The following CDS1 variants were observed in gnomAD, a reference collection of about 807,000 sequenced individuals.
The protein encoded by CDS1 is phosphatidate cytidylyltransferase 1.
A neutral mutation model predicts 62.1 loss-of-function variants in CDS1; 41 were observed. The observed-to-expected ratio is 0.66, with a 90% CI of 0.51 to 0.86. CDS1 has a LOEUF of 0.86. Ranked by LOEUF, CDS1 falls within the 40% of genes least tolerant of loss-of-function variation. CDS1 has a pLI of 0.00. For synonymous variants in CDS1, 185 were observed against 192.6 expected (o/e 0.96, Z 0.32); for missense variants, 470 against 550.1 (o/e 0.85, Z 1.46).
chr4:84,614,947 G>A (rs1723440322), intron 3 of CDS1, among the ~76,000 whole-genome samples: 1 of 152,176 alleles, frequency 6.6e-6, no homozygotes, highest in Admixed American at 6.5e-5. Context: ...TAGTCTTAGA[G>A]TCATGGCACA....
intron 3 of CDS1, among the ~76,000 whole-genome samples, chr4:84,610,449 C>T (rs1364154664): frequency 1.3e-5 from 2 of 152,172 alleles, no homozygotes; most frequent in Admixed American, 6.5e-5. Context: ...GTGGGAAGCT[C>T]AGTAAGTCAG....
intron 1 of CDS1, among the ~76,000 whole-genome samples, chr4:84,587,711 G>A (rs1578012238): frequency 6.6e-6 from 1 of 152,110 alleles, no homozygotes; most frequent in Admixed American, 6.5e-5. Context: ...TAGATTAATC[G>A]GAGAAATGGC....
chr4:84,585,654 A>G (rs1359007069), intron 1 of CDS1, among the ~76,000 whole-genome samples: 1 of 152,256 alleles, frequency 6.6e-6, no homozygotes, highest in Admixed American at 6.5e-5. Context: ...ATACACTCCC[A>G]TGCATTGCCA....
intron 5 of CDS1, among the ~76,000 whole-genome samples, chr4:84,629,296 C>T (rs1723949104): frequency 6.7e-6 from 1 of 150,320 alleles, no homozygotes. Context: ...CACAGTTGGC[C>T]CTCCTATATC....
At chr4:84,611,900 C>T (rs1488161224) in intron 3 of CDS1, among the ~76,000 whole-genome samples, 2 of 152,080 alleles carry the variant, frequency 1.3e-5, no homozygotes, top group African/African-American at 4.8e-5. Context: ...CTAAAATGAT[C>T]ACCATTGGCC....
intron 5 of CDS1, among the ~76,000 whole-genome samples, chr4:84,625,709 G>A (rs546374651): frequency 6.6e-6 from 1 of 151,952 alleles, no homozygotes; most frequent in Admixed American, 6.6e-5. Flanking sequence ...GGAAAACATT[G>A]GAGGATTTTA....
intron 5 of CDS1, among the ~76,000 whole-genome samples, chr4:84,624,100 T>C (rs998367938): frequency 1.5e-4 from 22 of 151,316 alleles, no homozygotes; most frequent in African/African-American, 5.3e-4. Context: ...TGGAACCCCG[T>C]CTCTACTAAA....
chr4:84,635,651 CT>C (rs1302395838), intron 8 of CDS1, among the ~76,000 whole-genome samples: 178 of 119,156 alleles, frequency 1.5e-3, no homozygotes, highest in African/African-American at 5.6e-3. Context: ...TCCTTCCTTC[CT>C]TCCTTCCTTC....
At chr4:84,616,258 C>T (rs1723490690) in intron 3 of CDS1, among the ~76,000 whole-genome samples, 1 of 152,168 alleles carries the variant, frequency 6.6e-6, no homozygotes, top group South Asian at 2.1e-4. Flanking sequence ...CTTTATAACA[C>T]ATTTATGACT....
rs189685852 is a variant in CDS1 at position 84,609,134 on chromosome 4, A to C, written c.246-295A>C. Among the ~76,000 whole-genome samples, 483 of 147,422 alleles carry C rather than the reference A, an allele frequency of 3.3e-3. 3 individuals are homozygous for C. Among genetic ancestry groups the C allele is most frequent in the African/African-American group, 4.9e-3 (191 of 39,174 alleles). On this transcript the variant is annotated intron_variant, in intron 2 of 12. Transcript: ENST00000295887. Reference sequence around the variant, plus strand: ...GTGGAGCTTTCAGTGAGCCGAGATCACGCCACTGCACTCCAGCCTGGGTGC... The same window carrying C: ...GTGGAGCTTTCAGTGAGCCGAGATCCCGCCACTGCACTCCAGCCTGGGTGC...
intron 5 of CDS1, among the ~76,000 whole-genome samples, chr4:84,624,924 G>A (rs1489957611): frequency 4.0e-5 from 6 of 151,822 alleles, no homozygotes; most frequent in Non-Finnish European, 7.4e-5. Context: ...GCAGTGGCGC[G>A]ATCTCGGCTC....
intron 1 of CDS1, among the ~76,000 whole-genome samples, chr4:84,590,542 C>T (rs1028849646): frequency 3.3e-5 from 5 of 152,154 alleles, no homozygotes; most frequent in African/African-American, 1.2e-4. Context: ...CTACATCAAG[C>T]TTTGGATGTG....
intron 1 of CDS1, among the ~76,000 whole-genome samples, chr4:84,599,405 C>T (rs77837605): frequency 0.21 from 3,547 of 17,222 alleles, 133 homozygotes; most frequent in Non-Finnish European, 0.35. Flanking sequence ...CACACACACA[C>T]ATATATATAT....
intron 3 of CDS1, among the ~76,000 whole-genome samples, chr4:84,613,120 G>T (rs1439386143): frequency 1.3e-5 from 2 of 150,246 alleles, no homozygotes; most frequent in East Asian, 3.9e-4. Context: ...TATGATATTT[G>T]TGTTAAGAGA....
intron 12 of CDS1, among the ~76,000 whole-genome samples, chr4:84,646,251 A>C (rs571695236): frequency 4.6e-5 from 7 of 152,270 alleles, no homozygotes; most frequent in African/African-American, 1.7e-4. Flanking sequence ...CGAGTTTATC[A>C]ATTTCATTAA....
intron 5 of CDS1, among the ~76,000 whole-genome samples, chr4:84,624,924 G>C (rs1489957611): frequency 6.6e-6 from 1 of 151,822 alleles, no homozygotes; most frequent in African/African-American, 2.4e-5. Flanking sequence ...GCAGTGGCGC[G>C]ATCTCGGCTC....
Position 84,619,444 on chromosome 4 carries a change from A to T in CDS1, c.491A>T (p.Asp164Val). ...NYFFYGETVA[D>V]YFATFVQREE... The stretch of plus-strand genomic sequence containing the variant: ...TTTTTCTATGGAGAGACTGTAGCTG[A>T]TTATTTTGCTACATTTGTTCAAAGA... Residue 164 changes from aspartate (D) to valine (V), a missense_variant, in exon 5 of 13, where the codon GAT (aspartate) becomes GTT (valine). Physicochemically the swap from Asp to Val is radical, Grantham distance 152. Coordinates refer to ENST00000295887, the MANE Select transcript of CDS1 (RefSeq NM_001263.4). The T allele has an allele frequency of 6.3e-7, 1 of 1,586,366 alleles. No homozygotes were observed. Among genetic ancestry groups the T allele is most frequent in the Non-Finnish European group, 8.6e-7 (1 of 1,156,798 alleles).
rs181711292 is a variant in CDS1, at chr4:84,608,469, C to T, written c.246-960C>T. Among the ~76,000 whole-genome samples the T allele has an allele frequency of 1.6e-3, 248 of 152,242 alleles. No individual in the cohort carries two copies. In the Middle Eastern group the frequency reaches 0.017, roughly 10 times the overall value. ...GATTACAGGCGTGAGCCACCACGCC[C>T]GGCCAAGGAAATACTTTTACTAAAG... On this transcript the variant is annotated intron_variant, in intron 2 of 12. Transcript: ENST00000295887.
chr4:84,599,403 CACATAT>C (rs1205072986), intron 1 of CDS1, among the ~76,000 whole-genome samples: 362 of 16,586 alleles, frequency 0.022, 3 homozygotes, highest in South Asian at 0.036. Context: ...GACACACACA[CACATAT>C]ATATATATAT....
Sources: gnomAD v4.1 joint callset for allele counts (sites outside exome capture counted in the v4.1 genomes callset) on GRCh38, gnomAD v4.1.1 for gene constraint, MANE v1.5 for transcripts, NCBI Gene and HGNC (gene_info 2026-07-23, HGNC 2026-07-21) for gene names.